Variants in ESCO2 observed in about 807,000 individuals in gnomAD.
ESCO2 encodes the protein N-acetyltransferase ESCO2.
A neutral mutation model predicts 61.7 loss-of-function variants in ESCO2; 51 were observed. The observed-to-expected ratio is 0.83, with a 90% CI of 0.66 to 1.04. ESCO2 has a LOEUF of 1.04. Among genes scored for constraint, ESCO2 ranks in the 50% least tolerant of loss-of-function variants. ESCO2 has a pLI of 0.00. For synonymous variants in ESCO2, 230 were observed against 238.2 expected (o/e 0.97, Z 0.32); for missense variants, 692 against 686.2 (o/e 1.01, Z -0.09).
downstream of ESCO2, chr8:27,811,161 G>T (rs146146385): frequency 2.8e-4 from 449 of 1,611,134 alleles, 4 homozygotes; most frequent in East Asian, 9.5e-3. Context: ...GGTTATGAAG[G>T]CAGGAGCTAC....
Position 27,776,592 on chromosome 8 carries a change from A to G in ESCO2, c.284A>G (p.Asn95Ser), listed in dbSNP as rs1485828431. 10 of 1,614,012 alleles carry G rather than the reference A, an allele frequency of 6.2e-6. No individual in the cohort carries two copies. In the African/African-American group the frequency reaches 8.0e-5, roughly 13 times the overall value. Residue 95 changes from asparagine (N) to serine (S), a missense_variant, in exon 3 of 11, where the codon AAT becomes AGT. Asn to Ser is a conservative substitution (Grantham distance 46, BLOSUM62 1). Transcript: ENST00000305188. ...TACAACCAAAATAAGTGGTACCTCA[A>G]TCCACTGGAGAGAAAGCTGATAAAA... ...SFYNQNKWYL[N>S]PLERKLIKES...
chr8:27,808,856 T>G (rs973298195), downstream of ESCO2, among the ~76,000 whole-genome samples: 2 of 152,182 alleles, frequency 1.3e-5, no homozygotes, highest in Non-Finnish European at 2.9e-5. Flanking sequence ...TGAGGATTTC[T>G]AGGACCTCAC....
chr8:27,808,172 T>TA (rs1805602048), downstream of ESCO2: 1 of 1,114,254 alleles, frequency 9.0e-7, no homozygotes, highest in African/African-American at 1.7e-5. Flanking sequence ...AAATCCTTTC[T>TA]AATTTTTATT....
downstream of ESCO2, among the ~76,000 whole-genome samples, chr8:27,815,120 G>A (rs1805785221): frequency 1.3e-5 from 2 of 152,056 alleles, no homozygotes; most frequent in Non-Finnish European, 2.9e-5. Flanking sequence ...CAGAACTGAA[G>A]GAAAGTTCTG....
chr8:27,814,897 C>A (rs1053304399), downstream of ESCO2, among the ~76,000 whole-genome samples: 7 of 152,142 alleles, frequency 4.6e-5, no homozygotes, highest in African/African-American at 1.7e-4. Flanking sequence ...CAAACCTTTA[C>A]TTCTGCTATA....
Position 27,803,979 on chromosome 8 carries a change from G to A in ESCO2, c.*541G>A, listed in dbSNP as rs754802033. 117 of 986,060 alleles carry A rather than the reference G, an allele frequency of 1.2e-4. No individual in the cohort carries two copies. Among genetic ancestry groups the A allele is most frequent in the Non-Finnish European group, 1.3e-4 (110 of 830,830 alleles). 61.1% of individuals were successfully genotyped at this position (986,060 alleles called of 1,614,324 possible). ...TGGTCTGAAACTTTTGGGCTCAAGCGATCCTCCCAAAACGCTGGGATTACA... is the reference window on the plus strand; with the variant it reads ...TGGTCTGAAACTTTTGGGCTCAAGCAATCCTCCCAAAACGCTGGGATTACA... On this transcript the variant is annotated 3_prime_UTR_variant, in exon 11 of 11. Coordinates refer to ENST00000305188, the MANE Select transcript of ESCO2 (RefSeq NM_001017420.3).
At chr8:27,778,059 T>A (rs1804839512) in intron 3 of ESCO2, 1 of 152,156 alleles carries the variant, frequency 6.6e-6, no homozygotes. Context: ...CCTACATAAT[T>A]TAAAAGTTGG....
chr8:27,778,922 T>G (rs1453710069), intron 3 of ESCO2: 3 of 152,338 alleles, frequency 2.0e-5, no homozygotes, highest in Admixed American at 2.0e-4. Context: ...TGATTTTCTG[T>G]TTTTTTATTT....
chr8:27,776,899 A>C lies in ESCO2; in HGVS notation c.591A>C (p.Gln197His). 6.2e-7 allele frequency: 1 copy of C among 1,614,226 alleles called. No homozygotes were observed. The change falls in exon 3 of 11, where the codon CAA becomes CAC. Residue 197 changes from glutamine to histidine, a missense_variant. Gln to His is a conservative substitution (Grantham distance 24, BLOSUM62 0). Transcript: ENST00000305188. ...NNSNAPRVLS[Q>H]KIKPQVTLQG... The stretch of plus-strand genomic sequence containing the variant: ...CCAATGCTCCTCGGGTTCTGAGCCA[A>C]AAAATAAAACCACAAGTTACACTCC...
chr8:27,775,366 G>C, intron 1 of ESCO2, 133 bp from the exon 2 acceptor site: 1 of 770,054 alleles, frequency 1.3e-6, no homozygotes, highest in Non-Finnish European at 2.3e-6. Flanking sequence ...GGTGGAAGGA[G>C]AGCAATGTCG....
intron 4 of ESCO2, among the ~76,000 whole-genome samples, chr8:27,781,978 G>A (rs918974262): frequency 1.3e-5 from 2 of 152,048 alleles, no homozygotes; most frequent in Non-Finnish European, 2.9e-5. Context: ...CCATTCCAAG[G>A]TACTATATTA....
In ESCO2 at chr8:27,776,504, A is replaced by T; in HGVS notation, c.196A>T (p.Asn66Tyr). The T allele has an allele frequency of 6.2e-7, 1 of 1,613,876 alleles. No homozygotes were observed. Among genetic ancestry groups the T allele is most frequent in the Non-Finnish European group, 8.5e-7 (1 of 1,179,962 alleles). ...VLSALKTTEI[N>Y]RLPSANQGSP... ...AAGTGCGCTCAAAACAACTGAAATA[A>T]ATAGACTGCCATCAGCAAATCAAGG... Residue 66 changes from asparagine to tyrosine, a missense_variant, in exon 3 of 11, where the codon AAT becomes TAT. By Grantham distance (143) the Asn-to-Tyr change is moderately radical (BLOSUM62 -2). Coordinates refer to ENST00000305188, the MANE Select transcript of ESCO2 (RefSeq NM_001017420.3).
intron 9 of ESCO2, among the ~76,000 whole-genome samples, chr8:27,793,220 A>G (rs1170216576): frequency 3.9e-5 from 6 of 152,176 alleles, no homozygotes. Context: ...TCCTTGTGTT[A>G]TTAGAAGTTG....
At chr8:27,819,474 C>T in the ESCO2 span, among the ~76,000 whole-genome samples, 9 of 151,908 alleles carry the variant, frequency 5.9e-5, no homozygotes, top group African/African-American at 1.9e-4. Flanking sequence ...AAAAATTATT[C>T]GGAAGTGTTT....
chr8:27,780,351 G>A, intron 4 of ESCO2, 84 bp downstream of exon 4: 1 of 964,728 alleles, frequency 1.0e-6, no homozygotes. Flanking sequence ...TGTAATTTCT[G>A]GGTCTTTCTT....
chr8:27,774,194 T>C (rs529161255), upstream of ESCO2, among the ~76,000 whole-genome samples: 15 of 142,578 alleles, frequency 1.1e-4, no homozygotes, highest in South Asian at 3.1e-3. Flanking sequence ...TTATTTATTT[T>C]TGAGACGGAG....
In ESCO2 at chr8:27,803,417, C is replaced by A. The variant is rs375906405; in HGVS notation, c.1785C>A (p.Leu595=). 5.6e-6 allele frequency: 9 copies of A among 1,613,172 alleles called. No homozygotes were observed. In the African/African-American group the frequency reaches 8.0e-5, roughly 14 times the overall value. ...ATKYCNTPNF[L]VYNFNS ...AGTACTGCAACACCCCTAATTTCCT[C>A]GTATATAATTTTAATAGTTAAAGCT... is the stretch of plus-strand genomic sequence containing the variant. The change falls in exon 11 of 11, where the codon CTC becomes CTA. Residue 595 remains leucine, a synonymous_variant. Transcript: ENST00000305188.
At position 27,788,538 on chromosome 8, in the gene ESCO2, C is replaced by G. The variant is rs573510250; in HGVS notation, c.1132-309C>G. ...TCTCTTGTCTCTTTTTTTTCCCCCC[C>G]CAAAGAGATGGAGTCTCACCATGTC... On this transcript the variant is annotated intron_variant, in intron 6 of 10. Transcript: ENST00000305188. Among the ~76,000 whole-genome samples, 735 of 151,664 alleles carry G rather than the reference C, an allele frequency of 4.8e-3. 8 individuals are homozygous for G. The highest frequency in any genetic ancestry group is 0.017 in the African/African-American group (685 of 41,414).
chr8:27,801,170 A>C (rs1451571637), intron 10 of ESCO2, among the ~76,000 whole-genome samples: 1 of 152,172 alleles, frequency 6.6e-6, no homozygotes, highest in Non-Finnish European at 1.5e-5. Flanking sequence ...CTATGTATTG[A>C]TGTTTAAAGT....
Sources: gnomAD v4.1 joint callset for allele counts (sites outside exome capture counted in the v4.1 genomes callset) on GRCh38, gnomAD v4.1.1 for gene constraint, MANE v1.5 for transcripts, NCBI Gene and HGNC (gene_info 2026-07-23, HGNC 2026-07-21) for gene names.